The following LGSN variants were observed in gnomAD, a reference collection of about 807,000 sequenced individuals.
LGSN encodes the protein lengsin.
LGSN carries 21 observed loss-of-function variants against 19.5 expected under a neutral mutation model. That is an observed-to-expected ratio of 1.07 (90% confidence interval 0.76 to 1.55). The LOEUF is 1.55. Ranked by LOEUF, LGSN falls within the 40% of genes most tolerant of loss-of-function variation. LGSN has a pLI of 0.00. For synonymous variants in LGSN, 257 were observed against 215.6 expected, an observed-to-expected ratio of 1.19 and a Z score of -1.68; for missense variants, 673 against 608.5, an observed-to-expected ratio of 1.11 and a Z score of -1.12.
the LGSN span, among the ~76,000 whole-genome samples, chr6:63,490,617 C>T: frequency 6.6e-6 from 1 of 151,838 alleles, no homozygotes; most frequent in African/African-American, 2.4e-5. Flanking sequence ...CATTCTGTTT[C>T]CCAGGCTGGA....
the LGSN span, among the ~76,000 whole-genome samples, chr6:63,451,329 T>A: frequency 6.6e-6 from 1 of 152,164 alleles, no homozygotes; most frequent in Non-Finnish European, 1.5e-5. Flanking sequence ...AAAGAAGACA[T>A]TAATTCAACA....
At chr6:63,310,764 CAGA>C (rs1768595762) in intron 1 of LGSN, among the ~76,000 whole-genome samples, 1 of 152,088 alleles carries the variant, frequency 6.6e-6, no homozygotes, top group Admixed American at 6.6e-5. Flanking sequence ...AAAAGGAAGA[CAGA>C]AGGAGCCAAA....
intron 1 of LGSN, among the ~76,000 whole-genome samples, chr6:63,319,499 A>T (rs2127398970): frequency 6.6e-6 from 1 of 152,322 alleles, no homozygotes; most frequent in Non-Finnish European, 1.5e-5. Context: ...CATTTCAAAT[A>T]TAATTTGAAA....
At chr6:63,295,281 CATT>C (rs1396025714) in intron 1 of LGSN, among the ~76,000 whole-genome samples, 1 of 152,252 alleles carries the variant, frequency 6.6e-6, no homozygotes, top group African/African-American at 2.4e-5. Context: ...CAGAAAATAT[CATT>C]AAGTAAATTA....
upstream of LGSN, among the ~76,000 whole-genome samples, chr6:63,323,124 AG>A (rs1274628430): frequency 5.2e-3 from 791 of 152,362 alleles, no homozygotes; most frequent in African/African-American, 0.017. Flanking sequence ...CAGTTGTGAA[AG>A]TGGAAGCATG....
At chr6:63,311,317 T>C (rs560896980) in intron 1 of LGSN, among the ~76,000 whole-genome samples, 1 of 152,222 alleles carries the variant, frequency 6.6e-6, no homozygotes, top group Admixed American at 6.5e-5. Context: ...TTGTGTAAAC[T>C]TAACTAACTG....
At chr6:63,314,992 G>A (rs1768784347) in intron 1 of LGSN, among the ~76,000 whole-genome samples, 2 of 152,012 alleles carry the variant, frequency 1.3e-5, no homozygotes, top group South Asian at 4.1e-4. Flanking sequence ...TTGAGGATTT[G>A]GGCAAGGAAG....
the LGSN span, among the ~76,000 whole-genome samples, chr6:63,563,290 T>C: frequency 6.6e-6 from 1 of 152,232 alleles, no homozygotes; most frequent in Non-Finnish European, 1.5e-5. Context: ...TCCTACGTGA[T>C]CCAGTCCCTG....
At chr6:63,323,086 G>T (rs182939997), upstream of LGSN, among the ~76,000 whole-genome samples, 231 of 152,172 alleles carry the variant, frequency 1.5e-3, no homozygotes, top group Non-Finnish European at 2.6e-3. Context: ...TATATATTTA[G>T]CACAAGCTTC....
chr6:63,501,151 C>T, the LGSN span, among the ~76,000 whole-genome samples: 2 of 151,992 alleles, frequency 1.3e-5, no homozygotes, highest in East Asian at 1.9e-4. Context: ...GCGGGTGGAT[C>T]ACCTGAGATC....
chr6:63,493,715 T>G, the LGSN span, among the ~76,000 whole-genome samples: 1 of 152,070 alleles, frequency 6.6e-6, no homozygotes, highest in African/African-American at 2.4e-5. Flanking sequence ...AGCCAAATCA[T>G]GAGCCTATTT....
At chr6:63,344,269 A>T in the LGSN span, among the ~76,000 whole-genome samples, 6 of 152,248 alleles carry the variant, frequency 3.9e-5, no homozygotes, top group East Asian at 1.2e-3. Context: ...TGGACTTCTC[A>T]GTAACGAAGC....
At chr6:63,507,954 A>T in the LGSN span, among the ~76,000 whole-genome samples, 1 of 152,208 alleles carries the variant, frequency 6.6e-6, no homozygotes, top group Admixed American at 6.5e-5. Context: ...AAAAAAAGCA[A>T]CTTGGGTCTC....
At chr6:63,336,937 T>C in the LGSN span, among the ~76,000 whole-genome samples, 268 of 149,300 alleles carry the variant, frequency 1.8e-3, no homozygotes, top group African/African-American at 5.2e-3. Flanking sequence ...CTTTTCTTTT[T>C]TTTTGAGATG....
At chr6:63,570,572 G>A in the LGSN span, among the ~76,000 whole-genome samples, 1 of 152,172 alleles carries the variant, frequency 6.6e-6, no homozygotes, top group African/African-American at 2.4e-5. Context: ...CTCACAACTT[G>A]TATCACAAGT....
At chr6:63,507,940 G>T in the LGSN span, among the ~76,000 whole-genome samples, 1 of 151,836 alleles carries the variant, frequency 6.6e-6, no homozygotes, top group Non-Finnish European at 1.5e-5. Flanking sequence ...ATGCCCAAGA[G>T]ACAAAAAAAA....
At chr6:63,396,464 G>C in the LGSN span, 1 of 168,940 alleles carries the variant, frequency 5.9e-6, no homozygotes, top group East Asian at 1.9e-4. Flanking sequence ...CTCATCCTTA[G>C]GGCTCAGAGG....
the LGSN span, among the ~76,000 whole-genome samples, chr6:63,493,060 C>T: frequency 6.6e-6 from 1 of 152,068 alleles, no homozygotes; most frequent in East Asian, 1.9e-4. Context: ...CTTATTGCCC[C>T]CTCTTTCCTC....
the LGSN span, among the ~76,000 whole-genome samples, chr6:63,538,708 C>T: frequency 2.0e-5 from 3 of 152,060 alleles, no homozygotes; most frequent in African/African-American, 7.2e-5. Flanking sequence ...TAGTTCAAAA[C>T]ATTTAGCTGT....
Sources: gnomAD v4.1 joint callset for allele counts (sites outside exome capture counted in the v4.1 genomes callset) on GRCh38, gnomAD v4.1.1 for gene constraint, MANE v1.5 for transcripts, NCBI Gene and HGNC (gene_info 2026-07-23, HGNC 2026-07-21) for gene names.